The following NEIL3 variants were observed in gnomAD, a reference collection of about 807,000 sequenced individuals.
The protein encoded by NEIL3 is endonuclease 8-like 3.
A neutral mutation model predicts 57.5 loss-of-function variants in NEIL3; 48 were observed. The observed-to-expected ratio is 0.83, with a 90% confidence interval of 0.66 to 1.06. NEIL3 has a LOEUF of 1.06. NEIL3 is among the 50% of genes least tolerant of loss of function. NEIL3 has a pLI of 0.00. For synonymous variants in NEIL3, 261 were observed against 253.2 expected, an observed-to-expected ratio of 1.03 and a Z score of -0.29; for missense variants, 717 against 739.1, an observed-to-expected ratio of 0.97 and a Z score of 0.35.
At chr4:177,367,655 T>C (rs1735708693), downstream of NEIL3, among the ~76,000 whole-genome samples, 1 of 152,194 alleles carries the variant, frequency 6.6e-6, no homozygotes, top group Non-Finnish European at 1.5e-5. Flanking sequence ...ACTTGCGAGA[T>C]GCTATGTGGT....
downstream of NEIL3, among the ~76,000 whole-genome samples, chr4:177,364,508 A>G (rs1445545643): frequency 3.3e-5 from 5 of 152,170 alleles, no homozygotes; most frequent in African/African-American, 1.2e-4. Flanking sequence ...AGCCACTGGG[A>G]AGTAAGGGGG....
intron 2 of NEIL3, among the ~76,000 whole-genome samples, chr4:177,324,212 C>CT (rs1174434353): frequency 6.6e-6 from 1 of 152,108 alleles, no homozygotes; most frequent in East Asian, 1.9e-4. Context: ...GAAATGTAGT[C>CT]TTCATTTTTG....
In NEIL3 at chr4:177,362,766, C is replaced by G. The variant is rs1735634210; in HGVS notation, c.*295C>G. 5.1e-6 allele frequency: 1 copy of G among 194,624 alleles called. No homozygotes were observed. The highest frequency in any genetic ancestry group is 2.3e-5 in the African/African-American group (1 of 42,624). 12.1% of individuals were successfully genotyped at this position (194,624 alleles called of 1,614,324 possible). A position where few individuals can be genotyped will look rare whatever the true frequency, so the allele number is the denominator to read the frequency against. On this transcript the variant is annotated 3_prime_UTR_variant, in exon 10 of 10. Transcript: ENST00000264596. ...AGTGTTTTTAGTATGCTTTTAGTCT[C>G]TTGTAACTGGGGAGAAGCAGTGTTT... is the stretch of plus-strand genomic sequence containing the variant.
chr4:177,342,437 A>G (rs138812872), intron 6 of NEIL3, among the ~76,000 whole-genome samples: 10 of 152,338 alleles, frequency 6.6e-5, no homozygotes, highest in African/African-American at 2.2e-4. Flanking sequence ...GCATAGCAGT[A>G]TATGTGATTA....
At chr4:177,327,463 A>G (rs958743918) in intron 2 of NEIL3, among the ~76,000 whole-genome samples, 3 of 152,186 alleles carry the variant, frequency 2.0e-5, no homozygotes, top group African/African-American at 7.2e-5. Context: ...CATGTGCAGA[A>G]CATGCAGGTT....
In NEIL3 at chr4:177,322,426, T is replaced by C. The variant is rs202018751; in HGVS notation, c.157-33T>C. 484 of 1,613,112 alleles carry C rather than the reference T, an allele frequency of 3.0e-4. 9 individuals carry two copies. The South Asian group carries it at 5.0e-3, about 17-fold the overall frequency. Reference sequence around the variant, plus strand: ...CTTTTGCTTAGAGTTTGTGTGTGTGTGTGCTTATGTGTGTACATGTATTTT... The same window carrying C: ...CTTTTGCTTAGAGTTTGTGTGTGTGCGTGCTTATGTGTGTACATGTATTTT... On this transcript the variant is annotated intron_variant, in intron 1 of 9. Transcript: ENST00000264596.
chr4:177,332,447 G>T (rs921251833), intron 2 of NEIL3, among the ~76,000 whole-genome samples: 2 of 152,088 alleles, frequency 1.3e-5, no homozygotes, highest in African/African-American at 4.8e-5. Context: ...TATTGTTTGG[G>T]CAGAGGAAGT....
intron 8 of NEIL3, among the ~76,000 whole-genome samples, chr4:177,359,011 A>G (rs1339549665): frequency 6.6e-6 from 1 of 152,210 alleles, no homozygotes; most frequent in Non-Finnish European, 1.5e-5. Context: ...TGACTTCTCT[A>G]CAACTGTCCA....
intron 2 of NEIL3, among the ~76,000 whole-genome samples, chr4:177,330,290 T>C (rs929003604): frequency 5.9e-5 from 9 of 152,218 alleles, no homozygotes; most frequent in African/African-American, 2.2e-4. Flanking sequence ...TTAGAACATA[T>C]TTTGAACTGA....
At chr4:177,345,939 C>G (rs559485705) in intron 6 of NEIL3, among the ~76,000 whole-genome samples, 1 of 152,112 alleles carries the variant, frequency 6.6e-6, no homozygotes, top group South Asian at 2.1e-4. Flanking sequence ...GATCCATCCA[C>G]CTCGACCTCC....
chr4:177,364,151 G>A (rs34772042), downstream of NEIL3, among the ~76,000 whole-genome samples: 1,599 of 152,034 alleles, frequency 0.011, 51 homozygotes, highest in East Asian at 0.12. Context: ...AAAAGACAGC[G>A]TTCTTTCAGA....
chr4:177,312,639 A>G (rs972437448), intron 1 of NEIL3, among the ~76,000 whole-genome samples: 10 of 152,206 alleles, frequency 6.6e-5, no homozygotes, highest in Non-Finnish European at 1.0e-4. Context: ...GCAATATTCA[A>G]TAAGTTATAC....
chr4:177,351,654 A>G, intron 7 of NEIL3, 105 bp downstream of exon 7: 1 of 912,088 alleles, frequency 1.1e-6, no homozygotes, highest in Non-Finnish European at 1.7e-6. Flanking sequence ...AACTAAATAA[A>G]ATTTCTTTCT....
chr4:177,357,066 C>A (rs1486215135), intron 8 of NEIL3: 1 of 152,188 alleles, frequency 6.6e-6, no homozygotes, highest in Non-Finnish European at 1.5e-5. Context: ...ATGTCCTTGT[C>A]TCTTGGTTGC....
At chr4:177,329,850 G>C (rs574068405) in intron 2 of NEIL3, among the ~76,000 whole-genome samples, 1 of 152,238 alleles carries the variant, frequency 6.6e-6, no homozygotes. Context: ...TGATATCATG[G>C]AAGAATCCTC....
intron 6 of NEIL3, among the ~76,000 whole-genome samples, chr4:177,348,858 ATT>A (rs749391559): frequency 2.6e-3 from 188 of 73,708 alleles, no homozygotes; most frequent in African/African-American, 0.01. Context: ...TGGCTCATGA[ATT>A]TTTTTTTTTT....
chr4:177,325,826 G>A (rs530970093), intron 2 of NEIL3, among the ~76,000 whole-genome samples: 106 of 152,040 alleles, frequency 7.0e-4, no homozygotes, highest in African/African-American at 2.4e-3. Context: ...GATGCAATAT[G>A]CATATTTCCT....
rs34136809 is a variant in NEIL3, at chr4:177,322,149, G to A, written c.157-310G>A. On this transcript the variant is annotated intron_variant, in intron 1 of 9. Coordinates refer to ENST00000264596, the MANE Select transcript of NEIL3 (RefSeq NM_018248.3). Reference sequence around the variant, plus strand: ...CAGTTTTTAGTTTTAGAACATTCGTGTTGTATTCCTATGCTTTCTTTTCAT... The same window carrying A: ...CAGTTTTTAGTTTTAGAACATTCGTATTGTATTCCTATGCTTTCTTTTCAT... Among the ~76,000 whole-genome samples the A allele has an allele frequency of 2.0e-3, 304 of 152,252 alleles. 1 individual carries two copies. Among genetic ancestry groups the A allele is most frequent in the Admixed American group, 9.7e-3 (148 of 15,296 alleles).
intron 8 of NEIL3, chr4:177,354,218 A>G (rs1439178387): frequency 6.6e-6 from 1 of 152,226 alleles, no homozygotes; most frequent in Non-Finnish European, 1.5e-5. Context: ...GAAGGAAATG[A>G]AAAACGTAAT....
Sources: gnomAD v4.1 joint callset for allele counts (sites outside exome capture counted in the v4.1 genomes callset) on GRCh38, gnomAD v4.1.1 for gene constraint, MANE v1.5 for transcripts, NCBI Gene and HGNC (gene_info 2026-07-23, HGNC 2026-07-21) for gene names.